The following SLC4A1AP variants were observed in gnomAD, a reference collection of about 807,000 sequenced individuals.
The protein encoded by SLC4A1AP is kanadaptin.
SLC4A1AP carries 64 observed loss-of-function variants against 89.7 expected under a neutral mutation model. The observed-to-expected ratio is 0.71, with a 90% CI of 0.58 to 0.88. The LOEUF (loss-of-function observed/expected upper bound fraction) is 0.88. SLC4A1AP is among the 40% of genes least tolerant of loss of function. SLC4A1AP has a pLI of 0.00. For missense variants in SLC4A1AP, 931 were observed against 965.0 expected (o/e 0.96, Z 0.47); for synonymous variants, 366 against 353.3 (o/e 1.04, Z -0.40).
At chr2:27,678,720 C>CTT (rs60572659) in intron 8 of SLC4A1AP, among the ~76,000 whole-genome samples, 9 of 139,218 alleles carry the variant, frequency 6.5e-5, no homozygotes, top group Non-Finnish European at 1.1e-4. Context: ...AACCTAATAC[C>CTT]TTTTTTTTTT....
At chr2:27,670,397 A>G (rs541564959) in intron 5 of SLC4A1AP, among the ~76,000 whole-genome samples, 1 of 152,076 alleles carries the variant, frequency 6.6e-6, no homozygotes, top group East Asian at 1.9e-4. Flanking sequence ...TCATTTATTA[A>G]TAAGGCTTAT....
chr2:27,669,218 T>C, intron 4 of SLC4A1AP, 30 bp from the exon 5 acceptor site: 2 of 1,578,144 alleles, frequency 1.3e-6, no homozygotes, highest in South Asian at 1.2e-5. Flanking sequence ...AGCTTAATGC[T>C]GTGCTATAAT....
chr2:27,689,514 C>T (rs144569814), intron 12 of SLC4A1AP, among the ~76,000 whole-genome samples: 1 of 152,158 alleles, frequency 6.6e-6, no homozygotes, highest in African/African-American at 2.4e-5. Context: ...AGGATGTCTT[C>T]CAGTAGAGTC....
intron 5 of SLC4A1AP, among the ~76,000 whole-genome samples, chr2:27,674,780 C>T (rs1475022322): frequency 4.1e-5 from 6 of 147,306 alleles, no homozygotes; most frequent in South Asian, 2.1e-4. Context: ...GGCGCTTTCT[C>T]GGCTCACTGC....
exon 8 of SLC4A1AP, chr2:27,677,880 G>T (rs769933263): frequency 1.2e-6 from 2 of 1,607,864 alleles, no homozygotes; most frequent in Admixed American, 3.4e-5. Flanking sequence ...GACTTAAAGG[G>T]TTAATAAAAA....
chr2:27,664,272 G>A, exon 1 of SLC4A1AP: 2 of 1,614,182 alleles, frequency 1.2e-6, no homozygotes, highest in Non-Finnish European at 1.7e-6. Context: ...GACCCTGAAG[G>A]GCGGCACTAT....
At chr2:27,680,380 A>G (rs1039232591) in intron 8 of SLC4A1AP, among the ~76,000 whole-genome samples, 1 of 152,206 alleles carries the variant, frequency 6.6e-6, no homozygotes, top group Non-Finnish European at 1.5e-5. Flanking sequence ...CCAAATAGCC[A>G]TACCACTTTA....
chr2:27,694,946 C>G, exon 14 of SLC4A1AP: 1 of 331,290 alleles, frequency 3.0e-6, no homozygotes, highest in Non-Finnish European at 5.4e-6. Context: ...GAGACATGAT[C>G]CTATTAAAAT....
In SLC4A1AP at chr2:27,664,155, C is replaced by T; in HGVS notation, c.403C>T (p.Gln135Ter). 1 of 1,614,178 alleles carries T rather than the reference C, an allele frequency of 6.2e-7. No individual in the cohort carries two copies. The stretch of plus-strand genomic sequence containing the variant: ...TGATTTTAGGAGTCTACAGGAGGAG[C>T]AGTCGCGCCCCCCGACAGCGGTTTC... Residue 135 changes from glutamine to a stop codon, truncating the protein, a stop_gained, in exon 1 of 14, where the codon CAG becomes TAG. Transcript: ENST00000613058. LOFTEE classifies it high-confidence loss of function.
intron 9 of SLC4A1AP, 135 bp from the exon 10 acceptor site, chr2:27,684,902 C>G: frequency 3.0e-6 from 3 of 1,000,830 alleles, no homozygotes; most frequent in Non-Finnish European, 4.3e-6. Flanking sequence ...AGTCCCACCT[C>G]CAGCAGACTT....
chr2:27,683,328 TGA>T (rs1675650035), intron 9 of SLC4A1AP, among the ~76,000 whole-genome samples: 1 of 152,208 alleles, frequency 6.6e-6, no homozygotes, highest in Admixed American at 6.5e-5. Context: ...AGCTGAACCT[TGA>T]GTATTAGTTT....
exon 11 of SLC4A1AP, chr2:27,688,016 C>G: frequency 6.2e-7 from 1 of 1,613,356 alleles, no homozygotes; most frequent in Non-Finnish European, 8.5e-7. Context: ...GCGCAGGACC[C>G]TCAGGCAAGT....
chr2:27,672,726 G>A (rs1675446687), intron 5 of SLC4A1AP, among the ~76,000 whole-genome samples: 1 of 152,236 alleles, frequency 6.6e-6, no homozygotes, highest in East Asian at 1.9e-4. Context: ...TATATAGGTG[G>A]GGTTTGTTGA....
intron 5 of SLC4A1AP, among the ~76,000 whole-genome samples, chr2:27,672,117 G>T (rs1675435709): frequency 6.6e-6 from 1 of 152,114 alleles, no homozygotes; most frequent in Admixed American, 6.5e-5. Context: ...AAACTATGAA[G>T]TACTTTTCTG....
intron 11 of SLC4A1AP, 136 bp from the exon 12 acceptor site, chr2:27,688,564 A>T: frequency 1.6e-6 from 1 of 618,372 alleles, no homozygotes; most frequent in East Asian, 3.1e-5. Context: ...TTACAGCAGT[A>T]GAAGGAATTG....
At chr2:27,664,498 T>C (rs760188228) in exon 1 of SLC4A1AP, 1 of 1,614,194 alleles carries the variant, frequency 6.2e-7, no homozygotes, top group South Asian at 1.1e-5. Context: ...AAAACTCGCA[T>C]CCCACCTCGC....
At chr2:27,690,044 C>G (rs1675764954) in intron 12 of SLC4A1AP, among the ~76,000 whole-genome samples, 4 of 152,156 alleles carry the variant, frequency 2.6e-5, no homozygotes, top group Admixed American at 2.6e-4. Context: ...AATATTCCCC[C>G]AAGTAGGTTA....
rs2148129205 is a variant in SLC4A1AP, at chr2:27,665,143, C to T, written c.869C>T (p.Thr290Ile). 8 of 1,613,004 alleles carry T rather than the reference C, an allele frequency of 5.0e-6. No individual in the cohort carries two copies. In the South Asian group the frequency reaches 8.8e-5, roughly 18 times the overall value. Residue 290 changes from threonine (T) to isoleucine (I), a missense_variant, in exon 2 of 14, where the codon ACA becomes ATA. By Grantham distance (89) the Thr-to-Ile change is moderately conservative. Transcript: ENST00000613058. ...GAGGCAGAATCCGAGTTAACAGTAA[C>T]ACAGTTGAAGGAATTGCGCAAGCAG...
chr2:27,668,797 AT>A, intron 3 of SLC4A1AP, 45 bp from the exon 4 acceptor site: 1 of 1,548,296 alleles, frequency 6.5e-7, no homozygotes. Flanking sequence ...TCAACTAGTA[AT>A]TTTTGGATTC....
Sources: allele counts gnomAD v4.1 joint callset (sites outside exome capture counted in the v4.1 genomes callset), GRCh38; gene constraint gnomAD v4.1.1; transcripts MANE v1.5; gene names NCBI Gene and HGNC (gene_info 2026-07-23, HGNC 2026-07-21).